GRID2: variants seen among roughly 807,000 people sequenced by gnomAD.
The protein encoded by GRID2 is glutamate receptor ionotropic, delta-2.
Under a neutral mutation model 114.8 loss-of-function variants are expected in GRID2, and 33 were observed. The observed-to-expected ratio is 0.29, with a 90% confidence interval of 0.22 to 0.38. The LOEUF (loss-of-function observed/expected upper bound fraction) is 0.38, where lower values mean the gene tolerates loss of function less well. Among genes scored for constraint, GRID2 ranks in the 10% least tolerant of loss-of-function variants. The pLI is 1.00. For missense variants in GRID2, 1,184 were observed against 1,257.7 expected (o/e 0.94, Z 0.89); for synonymous variants, 505 against 449.9 (o/e 1.12, Z -1.55).
At chr4:92,804,812 T>C (rs1000971505) in intron 2 of GRID2, among the ~76,000 whole-genome samples, 3 of 152,048 alleles carry the variant, frequency 2.0e-5, no homozygotes, top group African/African-American at 7.2e-5. Flanking sequence ...TTGAAGTCTT[T>C]TTGTAAATAG....
At chr4:92,575,003 A>T (rs6851509) in intron 1 of GRID2, among the ~76,000 whole-genome samples, 1 of 151,838 alleles carries the variant, frequency 6.6e-6, no homozygotes, top group East Asian at 1.9e-4. Context: ...ATATTTCCTG[A>T]AGGTTTTGTT....
At chr4:92,902,152 T>G (rs1747627636) in intron 2 of GRID2, among the ~76,000 whole-genome samples, 1 of 152,148 alleles carries the variant, frequency 6.6e-6, no homozygotes, top group African/African-American at 2.4e-5. Context: ...GATTTCTATT[T>G]CTTCCTTCTA....
chr4:92,444,211 C>T (rs544150492), intron 1 of GRID2, among the ~76,000 whole-genome samples: 12 of 152,146 alleles, frequency 7.9e-5, no homozygotes, highest in Non-Finnish European at 1.6e-4. Context: ...AATTCATGCG[C>T]GTCTGTGTGA....
chr4:92,717,091 C>T (rs760302218), intron 2 of GRID2, among the ~76,000 whole-genome samples: 3 of 152,106 alleles, frequency 2.0e-5, no homozygotes, highest in Non-Finnish European at 4.4e-5. Flanking sequence ...CCACTTAATA[C>T]GCAGTTGTTG....
intron 2 of GRID2, among the ~76,000 whole-genome samples, chr4:92,805,633 G>A (rs537875036): frequency 6.6e-6 from 1 of 152,000 alleles, no homozygotes; most frequent in East Asian, 1.9e-4. Flanking sequence ...ATTATACGGT[G>A]TTTAAAGGAA....
chr4:93,534,145 C>T (rs562770239), intron 13 of GRID2, among the ~76,000 whole-genome samples: 17 of 152,116 alleles, frequency 1.1e-4, no homozygotes, highest in Non-Finnish European at 7.4e-5. Flanking sequence ...TTTCCAGAAA[C>T]TTTCCCTGAC....
At chr4:93,472,647 A>G (rs114638901) in intron 11 of GRID2, among the ~76,000 whole-genome samples, 1,970 of 152,328 alleles carry the variant, frequency 0.013, 23 homozygotes, top group Middle Eastern at 0.065. Context: ...TGAATGGAAC[A>G]AAGGTTGGAG....
intron 11 of GRID2, among the ~76,000 whole-genome samples, chr4:93,465,626 T>C (rs1384561150): frequency 6.6e-6 from 1 of 152,104 alleles, no homozygotes; most frequent in African/African-American, 2.4e-5. Flanking sequence ...GCACAGAACA[T>C]TATAGTTATT....
intron 1 of GRID2, among the ~76,000 whole-genome samples, chr4:92,385,579 C>G (rs983493778): frequency 6.6e-6 from 1 of 151,186 alleles, no homozygotes; most frequent in African/African-American, 2.4e-5. Context: ...TAAAATAGCT[C>G]TTTGCTACAG....
At chr4:93,764,787 C>A (rs974582539) in intron 14 of GRID2, among the ~76,000 whole-genome samples, 1 of 152,156 alleles carries the variant, frequency 6.6e-6, no homozygotes, top group Non-Finnish European at 1.5e-5. Flanking sequence ...TTAACAATAA[C>A]CACAGTAACT....
intron 8 of GRID2, among the ~76,000 whole-genome samples, chr4:93,273,875 T>C (rs984472236): frequency 2.0e-5 from 3 of 152,148 alleles, no homozygotes; most frequent in African/African-American, 7.2e-5. Context: ...AAGATAAATT[T>C]TCCTTTTCAT....
intron 4 of GRID2, among the ~76,000 whole-genome samples, chr4:93,136,575 TACTG>T (rs1355018641): frequency 1.3e-5 from 2 of 152,178 alleles, no homozygotes; most frequent in Admixed American, 1.3e-4. Flanking sequence ...ATAGTGTAAA[TACTG>T]ACCAGTCTTG....
chr4:92,416,177 A>G (rs546118098), intron 1 of GRID2, among the ~76,000 whole-genome samples: 4 of 151,966 alleles, frequency 2.6e-5, no homozygotes, highest in Admixed American at 2.6e-4. Flanking sequence ...TTTTTTTCAT[A>G]TGTTTGTTGG....
intron 14 of GRID2, among the ~76,000 whole-genome samples, chr4:93,671,333 A>C (rs989484799): frequency 6.6e-6 from 1 of 152,168 alleles, no homozygotes; most frequent in Non-Finnish European, 1.5e-5. Context: ...AGTGTTACCC[A>C]AAAGGGTTTT....
At chr4:93,777,333 A>G (rs1007868667), downstream of GRID2, among the ~76,000 whole-genome samples, 7 of 152,340 alleles carry the variant, frequency 4.6e-5, no homozygotes, top group Non-Finnish European at 8.8e-5. Context: ...GTTTCCATGT[A>G]ACATTGATGA....
intron 14 of GRID2, among the ~76,000 whole-genome samples, chr4:93,725,190 G>T (rs887535131): frequency 6.6e-6 from 1 of 152,150 alleles, no homozygotes; most frequent in Admixed American, 6.5e-5. Context: ...GTGTCCATGT[G>T]TTCTCATTGT....
chr4:93,158,140 TTGTGAGATATGTCATTTTGCAGACTTTTC>T (rs1560936914), intron 4 of GRID2, among the ~76,000 whole-genome samples: 1 of 151,796 alleles, frequency 6.6e-6, no homozygotes, highest in Non-Finnish European at 1.5e-5. Flanking sequence ...TTTTCACCAT[TTGTGAGATATGTCATTTTGCAGACTTTTC>T]TGCCACTAGA....
chr4:93,321,344 A>C (rs763258901), intron 8 of GRID2, among the ~76,000 whole-genome samples: 65 of 152,060 alleles, frequency 4.3e-4, no homozygotes, highest in Non-Finnish European at 7.4e-4. Flanking sequence ...ATATCTACAA[A>C]TTTGTTCAAA....
At chr4:93,401,492 A>C (rs981339586) in intron 9 of GRID2, among the ~76,000 whole-genome samples, 3 of 152,114 alleles carry the variant, frequency 2.0e-5, no homozygotes, top group Non-Finnish European at 2.9e-5. Context: ...TAAATAATGT[A>C]TGGTATTTTT....
Sources: gnomAD v4.1 joint callset for allele counts (sites outside exome capture counted in the v4.1 genomes callset) on GRCh38, gnomAD v4.1.1 for gene constraint, MANE v1.5 for transcripts, NCBI Gene and HGNC (gene_info 2026-07-23, HGNC 2026-07-21) for gene names.